PEAK1: variants seen among roughly 807,000 people sequenced by gnomAD.
PEAK1 encodes inactive tyrosine-protein kinase PEAK1.
In PEAK1, 54 loss-of-function variants were observed where a neutral mutation model predicts 124.7. The observed-to-expected ratio is 0.43, with a 90% confidence interval of 0.35 to 0.54. PEAK1 has a LOEUF of 0.54. Ranked by LOEUF, PEAK1 falls within the 20% of genes least tolerant of loss-of-function variation. The pLI is 0.01. For missense variants in PEAK1, 2,046 were observed against 2,134.5 expected (o/e 0.96, Z 0.82); for synonymous variants, 719 against 760.0 (o/e 0.95, Z 0.89).
At chr15:77,150,240 C>T (rs1459834603) in intron 8 of PEAK1, among the ~76,000 whole-genome samples, 1 of 152,040 alleles carries the variant, frequency 6.6e-6, no homozygotes, top group African/African-American at 2.4e-5. Context: ...CAGCATTTTA[C>T]AAGAATTTAG....
intron 2 of PEAK1, among the ~76,000 whole-genome samples, chr15:77,309,836 G>C (rs1051297282): frequency 7.9e-5 from 12 of 152,268 alleles, no homozygotes; most frequent in African/African-American, 2.6e-4. Flanking sequence ...ACATAGTGGT[G>C]AGTAATCCAA....
intron 2 of PEAK1, among the ~76,000 whole-genome samples, chr15:77,291,734 T>G (rs2063220672): frequency 6.6e-6 from 1 of 152,036 alleles, no homozygotes; most frequent in Admixed American, 6.5e-5. Flanking sequence ...TCCCAGCACT[T>G]TGGGAGGCCG....
chr15:77,264,144 C>A (rs1317091454), intron 5 of PEAK1, among the ~76,000 whole-genome samples: 1 of 152,108 alleles, frequency 6.6e-6, no homozygotes, highest in Admixed American at 6.5e-5. Flanking sequence ...CCACAGCCAA[C>A]ATCATACTGA....
At chr15:77,164,329 G>A (rs888710630) in intron 7 of PEAK1, among the ~76,000 whole-genome samples, 2 of 152,144 alleles carry the variant, frequency 1.3e-5, no homozygotes, top group African/African-American at 4.8e-5. Flanking sequence ...TCTGATATCT[G>A]ATGAGTTCTG....
intron 2 of PEAK1, chr15:77,335,840 TC>T: frequency 1.0e-6 from 1 of 985,310 alleles, no homozygotes; most frequent in Non-Finnish European, 1.2e-6. Context: ...GTTTCCAATC[TC>T]CATTTTACCA....
chr15:77,140,562 A>G (rs563857301), intron 8 of PEAK1, among the ~76,000 whole-genome samples: 3 of 152,252 alleles, frequency 2.0e-5, no homozygotes, highest in East Asian at 3.9e-4. Flanking sequence ...TAATAATAAT[A>G]CTCAATGAAC....
At chr15:77,332,483 C>T (rs1304786838) in intron 2 of PEAK1, 1 of 157,270 alleles carries the variant, frequency 6.4e-6, no homozygotes. Flanking sequence ...GCCTGTAGTC[C>T]CAGCTACTCG....
At chr15:77,355,899 A>G in intron 2 of PEAK1, 1 of 985,046 alleles carries the variant, frequency 1.0e-6, no homozygotes, top group Non-Finnish European at 1.2e-6. Context: ...ACTCAGAAAA[A>G]CCCCTGGGTT....
intron 2 of PEAK1, among the ~76,000 whole-genome samples, chr15:77,299,866 A>G (rs1180492936): frequency 1.3e-5 from 2 of 152,186 alleles, no homozygotes; most frequent in Non-Finnish European, 2.9e-5. Context: ...AATTTATTAG[A>G]TCACTGTGGT....
intron 1 of PEAK1, among the ~76,000 whole-genome samples, chr15:77,405,346 G>T (rs1472977663): frequency 6.6e-6 from 1 of 152,124 alleles, no homozygotes; most frequent in South Asian, 2.1e-4. Flanking sequence ...ACACAAAAAG[G>T]CTGAGGAGAA....
chr15:77,132,678 A>G (rs1428687887), intron 9 of PEAK1, among the ~76,000 whole-genome samples: 1 of 146,554 alleles, frequency 6.8e-6, no homozygotes, highest in African/African-American at 2.5e-5. Flanking sequence ...ATGGGCAACA[A>G]GAGTGAAACT....
At chr15:77,335,377 T>C in intron 2 of PEAK1, 1 of 985,418 alleles carries the variant, frequency 1.0e-6, no homozygotes, top group Non-Finnish European at 1.2e-6. Flanking sequence ...TATCTAGTGG[T>C]CTTTTTAATG....
intron 2 of PEAK1, among the ~76,000 whole-genome samples, chr15:77,357,113 A>C (rs2067569392): frequency 6.6e-6 from 1 of 152,188 alleles, no homozygotes; most frequent in African/African-American, 2.4e-5. Context: ...AAAAAGAAAA[A>C]AACATACATC....
intron 1 of PEAK1, among the ~76,000 whole-genome samples, chr15:77,407,892 TATATATATACAC>T (rs1243417383): frequency 5.1e-5 from 7 of 138,302 alleles, no homozygotes; most frequent in East Asian, 2.1e-4. Context: ...GATATATATA[TATATATATACAC>T]ATATATATAC....
chr15:77,265,343 C>T (rs182115158), intron 5 of PEAK1, among the ~76,000 whole-genome samples: 36 of 152,146 alleles, frequency 2.4e-4, no homozygotes, highest in South Asian at 6.2e-4. Flanking sequence ...AGAAAATTTT[C>T]GCAACCTACT....
At chr15:77,397,896 C>A (rs1369196799) in intron 1 of PEAK1, among the ~76,000 whole-genome samples, 2 of 151,746 alleles carry the variant, frequency 1.3e-5, no homozygotes, top group Non-Finnish European at 2.9e-5. Context: ...CCCGTCTCTA[C>A]TAAAAATACA....
At chr15:77,402,451 T>A in intron 1 of PEAK1, 1 of 985,018 alleles carries the variant, frequency 1.0e-6, no homozygotes, top group Non-Finnish European at 1.2e-6. Flanking sequence ...TCACTGCATA[T>A]CTTTTAGTAA....
In PEAK1 at chr15:77,343,622, G is replaced by C. The variant is rs537323207; in HGVS notation, c.-603+21541C>G. ...TGCCTCAGCCTCCCAAGTAGCTGGG[G>C]TTACAGGCACACACCACCATGCCCG... On this transcript the variant is annotated intron_variant, in intron 2 of 9. Transcript: ENST00000682557. Among the ~76,000 whole-genome samples, 24 of 151,380 alleles carry C rather than the reference G, an allele frequency of 1.6e-4. No individual in the cohort carries two copies. In the East Asian group the frequency reaches 3.5e-3, roughly 22 times the overall value.
intron 1 of PEAK1, among the ~76,000 whole-genome samples, chr15:77,380,590 C>T (rs2069394944): frequency 6.6e-6 from 1 of 152,104 alleles, no homozygotes; most frequent in Non-Finnish European, 1.5e-5. Context: ...GTGATCCTCC[C>T]ACCTCAGCCT....
Sources: allele counts gnomAD v4.1 joint callset (sites outside exome capture counted in the v4.1 genomes callset), GRCh38; gene constraint gnomAD v4.1.1; transcripts MANE v1.5; gene names NCBI Gene and HGNC (gene_info 2026-07-23, HGNC 2026-07-21).